The following RTTN variants were observed in gnomAD, a reference collection of about 807,000 sequenced individuals.
RTTN encodes the protein rotatin.
In RTTN, 182 loss-of-function variants were observed where a neutral mutation model predicts 269.2. The observed-to-expected ratio is 0.68, with a 90% confidence interval of 0.60 to 0.76. The LOEUF (loss-of-function observed/expected upper bound fraction) is 0.76, where lower values mean the gene tolerates loss of function less well. RTTN is among the 30% of genes least tolerant of loss of function. The pLI, the probability that RTTN is intolerant of heterozygous loss-of-function variation, is 0.00. For synonymous variants in RTTN, 1,006 were observed against 963.5 expected (o/e 1.04, Z -0.82); for missense variants, 2,545 against 2,608.6 (o/e 0.98, Z 0.53).
At position 70,180,672 on chromosome 18, in the gene RTTN, A is replaced by G. The variant is rs1432941549; in HGVS notation, c.1306-3827T>C. On this transcript the variant is annotated intron_variant, in intron 10 of 48. Coordinates refer to ENST00000640769, the MANE Select transcript of RTTN (RefSeq NM_173630.4). ...TTCAAAGCACCATTGGCAATAAAAC[A>G]TAATGGCTATAAATACAAAACCACA... Among the ~76,000 whole-genome samples, 6 of 152,296 alleles carry G rather than the reference A, an allele frequency of 3.9e-5. No homozygotes were observed. The East Asian group carries it at 1.2e-3, about 29-fold the overall frequency.
At chr18:70,174,367 T>C (rs1264018042) in intron 11 of RTTN, among the ~76,000 whole-genome samples, 1 of 152,130 alleles carries the variant, frequency 6.6e-6, no homozygotes, top group Non-Finnish European at 1.5e-5. Flanking sequence ...CTTTTCCGTG[T>C]ACTACTCTTT....
chr18:70,134,391 T>C lies in RTTN; in HGVS notation c.2954+82A>G, dbSNP rs1171886143. 3 of 1,066,670 alleles carry C rather than the reference T, an allele frequency of 2.8e-6. No homozygotes were observed. In the African/African-American group the frequency reaches 4.8e-5, roughly 17 times the overall value. 66.1% of individuals were successfully genotyped at this position (1,066,670 alleles called of 1,614,324 possible). ...ATGGGATTTAAATGCTAAATGAAAA[T>C]TGTGACAAATTATAGATTTTGATTT... On this transcript the variant is annotated intron_variant, in intron 23 of 48. Transcript: ENST00000640769.
chr18:70,033,139 G>A (rs952571790), intron 40 of RTTN, among the ~76,000 whole-genome samples: 2 of 152,128 alleles, frequency 1.3e-5, no homozygotes, highest in Non-Finnish European at 1.5e-5. Flanking sequence ...AAAAGTGTGT[G>A]GCATCTTGCC....
chr18:70,111,346 A>C (rs556453026), intron 27 of RTTN, among the ~76,000 whole-genome samples: 1 of 152,314 alleles, frequency 6.6e-6, no homozygotes, highest in Admixed American at 6.5e-5. Flanking sequence ...CTCTGGAACG[A>C]AGCTTCCAGA....
chr18:70,089,533 G>A (rs1245780153), intron 30 of RTTN, among the ~76,000 whole-genome samples: 1 of 152,212 alleles, frequency 6.6e-6, no homozygotes, highest in African/African-American at 2.4e-5. Flanking sequence ...TGGGGATGCT[G>A]CTGAAACAAA....
intron 46 of RTTN, among the ~76,000 whole-genome samples, chr18:70,014,359 A>G (rs192890175): frequency 6.6e-6 from 1 of 152,344 alleles, no homozygotes; most frequent in African/African-American, 2.4e-5. Context: ...CATGCTTTGT[A>G]ATTCCCATAT....
chr18:70,014,685 T>C (rs931472220), intron 46 of RTTN, among the ~76,000 whole-genome samples: 2 of 152,168 alleles, frequency 1.3e-5, no homozygotes, highest in Non-Finnish European at 2.9e-5. Flanking sequence ...TTTCCTTTTC[T>C]TTACAGTCTC....
chr18:70,134,466 C>A lies in RTTN; in HGVS notation c.2954+7G>T, dbSNP rs1427433560. 3.1e-6 allele frequency: 5 copies of A among 1,595,478 alleles called. No individual in the cohort carries two copies. In the South Asian group the frequency reaches 5.6e-5, roughly 18 times the overall value. On this transcript the variant is annotated splice_region_variant and intron_variant, in intron 23 of 48. Coordinates refer to ENST00000640769, the MANE Select transcript of RTTN (RefSeq NM_173630.4). ...CTTCAAGAAAATCAGAGAAATAAATCCTTTACCTTCTAAAAACGGAAACAG... is the reference window on the plus strand; with the variant it reads ...CTTCAAGAAAATCAGAGAAATAAATACTTTACCTTCTAAAAACGGAAACAG...
chr18:70,176,771 C>G lies in RTTN; in HGVS notation c.1380G>C (p.Glu460Asp). Residue 460 changes from glutamate (E) to aspartate (D), a missense_variant, in exon 11 of 49, where the codon GAG becomes GAC. Physicochemically the swap from Glu to Asp is conservative, Grantham distance 45. Transcript: ENST00000640769. ...GGTGCACAAGCATCACCTCTGGCTG[C>G]TCCAAACTGATACTACTTTTATGGT... Reference protein sequence around the residue: ...MCYHKSSISLEQPEVMLVHHR... With the variant: ...MCYHKSSISLDQPEVMLVHHR... The G allele has an allele frequency of 6.2e-7, 1 of 1,614,134 alleles. No individual in the cohort carries two copies. The highest frequency in any genetic ancestry group is 8.5e-7 in the Non-Finnish European group (1 of 1,179,978).
chr18:70,036,893 C>T (rs868385772), intron 40 of RTTN, among the ~76,000 whole-genome samples: 5 of 152,188 alleles, frequency 3.3e-5, no homozygotes, highest in Admixed American at 2.0e-4. Context: ...TGAAAAGTGT[C>T]GGAGATATAG....
At chr18:70,076,835 A>G (rs1171156982) in intron 32 of RTTN, among the ~76,000 whole-genome samples, 1 of 152,020 alleles carries the variant, frequency 6.6e-6, no homozygotes, top group Non-Finnish European at 1.5e-5. Context: ...TAACCAAGGT[A>G]TATGTTACAG....
In RTTN at chr18:70,205,217, G is replaced by C. The variant is rs971664509; in HGVS notation, c.130C>G (p.Gln44Glu). 6 of 1,614,190 alleles carry C rather than the reference G, an allele frequency of 3.7e-6. No homozygotes were observed. In the South Asian group the frequency reaches 4.4e-5, roughly 12 times the overall value. The change falls in exon 2 of 49, where the codon CAA (glutamine) becomes GAA (glutamate). Residue 44 changes from glutamine to glutamate, a missense_variant. Physicochemically the swap from Gln to Glu is conservative, Grantham distance 29 (BLOSUM62 2). Transcript: ENST00000640769. ...ICYADLIQER[Q>E]LFLHLLEWFN... is the part of the protein sequence containing the mutation. ...CATTCCAGCAAATGAAGAAAAAGTT[G>C]CCTCTCCTGAATGAGATCAGCGTAG...
intron 44 of RTTN, 120 bp from the exon 45 acceptor site, chr18:70,020,937 A>C (rs1319795085): frequency 4.0e-6 from 3 of 746,516 alleles, no homozygotes. Context: ...TGTGAACTGC[A>C]AATTAGCAAT....
intron 11 of RTTN, among the ~76,000 whole-genome samples, chr18:70,174,431 A>G (rs2095711808): frequency 6.6e-6 from 1 of 152,120 alleles, no homozygotes; most frequent in African/African-American, 2.4e-5. Flanking sequence ...AATATTTTTA[A>G]ATTATGCTTA....
chr18:70,114,369 A>G (rs2059549755), intron 27 of RTTN, 76 bp downstream of exon 27: 4 of 1,314,920 alleles, frequency 3.0e-6, no homozygotes, highest in African/African-American at 1.5e-5. Context: ...AAGAAGTACA[A>G]AGTAAAACTT....
intron 18 of RTTN, among the ~76,000 whole-genome samples, chr18:70,144,149 T>G (rs1249002391): frequency 6.6e-6 from 1 of 152,088 alleles, no homozygotes. Context: ...GCCCGGCCCC[T>G]CTCTTCTTAA....
intron 9 of RTTN, 68 bp from the exon 10 acceptor site, chr18:70,188,291 T>C: frequency 1.2e-6 from 1 of 810,756 alleles, no homozygotes; most frequent in Non-Finnish European, 2.1e-6. Flanking sequence ...CAGCTGAATA[T>C]CATATTGCTC....
At chr18:70,117,937 C>T (rs2059640575) in intron 26 of RTTN, among the ~76,000 whole-genome samples, 1 of 151,772 alleles carries the variant, frequency 6.6e-6, no homozygotes, top group African/African-American at 2.4e-5. Context: ...ATGAGACAAA[C>T]AAAAATGGAC....
chr18:70,099,681 C>T (rs2059104523), intron 28 of RTTN, among the ~76,000 whole-genome samples: 1 of 152,062 alleles, frequency 6.6e-6, no homozygotes, highest in African/African-American at 2.4e-5. Context: ...ATGGTATTGC[C>T]TAGGTTTTCT....
Sources: allele counts gnomAD v4.1 joint callset (sites outside exome capture counted in the v4.1 genomes callset), GRCh38; gene constraint gnomAD v4.1.1; transcripts MANE v1.5; gene names NCBI Gene and HGNC (gene_info 2026-07-23, HGNC 2026-07-21).